CEP162: variants seen among roughly 807,000 people sequenced by gnomAD.
CEP162 encodes centrosomal protein of 162 kDa.
CEP162 carries 141 observed loss-of-function variants against 169.2 expected under a neutral mutation model. The observed-to-expected ratio is 0.83, with a 90% CI of 0.73 to 0.96. The LOEUF (loss-of-function observed/expected upper bound fraction) is 0.96, where lower values mean the gene tolerates loss of function less well. CEP162 is among the 40% of genes least tolerant of loss of function. The pLI is 0.00. For missense variants in CEP162, 1,600 were observed against 1,587.2 expected (o/e 1.01, Z -0.14); for synonymous variants, 540 against 526.4 (o/e 1.03, Z -0.35).
At position 84,174,051 on chromosome 6, in the gene CEP162, T is replaced by C. The variant is rs767194846; in HGVS notation, c.2163A>G (p.Gln721=). 4.3e-6 allele frequency: 7 copies of C among 1,610,356 alleles called. No individual in the cohort carries two copies. The highest frequency in any genetic ancestry group is 5.9e-6 in the Non-Finnish European group (7 of 1,178,668). ...ATATGTTGAAGAATTGCCATACCTG[T>C]TGATATCCTTGAAGAAGTGTCTCTT... is the stretch of plus-strand genomic sequence containing the variant. ...QEQETLLQGY[Q]QENERLYNQV... The change falls in exon 16 of 27, where the codon CAA becomes CAG. Residue 721 remains glutamine (Q), a synonymous_variant. Transcript: ENST00000403245.
intron 13 of CEP162, among the ~76,000 whole-genome samples, chr6:84,176,461 A>G (rs1588799411): frequency 6.6e-6 from 1 of 152,296 alleles, no homozygotes; most frequent in East Asian, 1.9e-4. Context: ...AAAACTTCCA[A>G]ATCACTGGAG....
intron 26 of CEP162, among the ~76,000 whole-genome samples, chr6:84,125,968 ATC>A (rs1408791503): frequency 6.6e-6 from 1 of 152,148 alleles, no homozygotes; most frequent in African/African-American, 2.4e-5. Flanking sequence ...CTATTAATTT[ATC>A]TGTTTATAAT....
chr6:84,156,946 C>T (rs968756228), intron 21 of CEP162, among the ~76,000 whole-genome samples: 2 of 151,972 alleles, frequency 1.3e-5, no homozygotes, highest in Admixed American at 1.3e-4. Flanking sequence ...GAATAACAGA[C>T]ACTGGAGACT....
rs546642652 is a variant in CEP162 at position 84,179,518 on chromosome 6, TG to T, written c.1664-4172del. 3.5e-3 allele frequency among the ~76,000 whole-genome samples: 534 copies of T among 152,300 alleles called. 3 individuals carry two copies. The highest frequency in any genetic ancestry group is 0.012 in the African/African-American group (483 of 41,564). On this transcript the variant is annotated intron_variant, in intron 13 of 26. Coordinates refer to ENST00000403245, the MANE Select transcript of CEP162 (RefSeq NM_014895.4). ...TCCTTCACCCACTTTTTGATGGGGT[TG>T]TTTTTTTTCTTGTAAATTTGAGTTC...
chr6:84,144,633 A>G (rs2099518071), intron 25 of CEP162, among the ~76,000 whole-genome samples: 1 of 152,098 alleles, frequency 6.6e-6, no homozygotes, highest in Non-Finnish European at 1.5e-5. Context: ...TTGGCCAGGT[A>G]AGAATTTTTC....
intron 11 of CEP162, among the ~76,000 whole-genome samples, chr6:84,188,251 AC>A (rs1198450199): frequency 1.3e-5 from 2 of 152,174 alleles, no homozygotes; most frequent in African/African-American, 4.8e-5. Context: ...CTAGCAAAGA[AC>A]TTTTTTTTTT....
Position 84,139,704 on chromosome 6 carries a change from G to A in CEP162, c.3870+6983C>T, listed in dbSNP as rs184931857. ...AGAAAGGAAGGTAAAATTTTTCCTG[G>A]TCCTTCTTTTCCATATTCAGATTGG... is the stretch of plus-strand genomic sequence containing the variant. On this transcript the variant is annotated intron_variant, in intron 25 of 26. Transcript: ENST00000403245. Among the ~76,000 whole-genome samples the A allele has an allele frequency of 2.4e-4, 37 of 152,234 alleles. No homozygotes were observed. In the East Asian group the frequency reaches 7.0e-3, roughly 29 times the overall value.
intron 17 of CEP162, among the ~76,000 whole-genome samples, chr6:84,171,242 A>T (rs1232957381): frequency 2.0e-5 from 3 of 152,174 alleles, no homozygotes; most frequent in Non-Finnish European, 4.4e-5. Context: ...ATACTGTATG[A>T]CCATTCTTTT....
At chr6:84,210,201 A>C (rs2099548885) in intron 6 of CEP162, among the ~76,000 whole-genome samples, 1 of 152,220 alleles carries the variant, frequency 6.6e-6, no homozygotes, top group South Asian at 2.1e-4. Flanking sequence ...TTGTAACTTC[A>C]AAAATGTTAT....
intron 13 of CEP162, among the ~76,000 whole-genome samples, chr6:84,180,017 T>C (rs916379578): frequency 2.6e-5 from 4 of 152,114 alleles, no homozygotes; most frequent in African/African-American, 7.2e-5. Flanking sequence ...ATCCTGATAC[T>C]AAAGCCTGGC....
chr6:84,210,140 G>A (rs911887993), intron 6 of CEP162, among the ~76,000 whole-genome samples: 3 of 152,052 alleles, frequency 2.0e-5, no homozygotes, highest in South Asian at 2.1e-4. Context: ...GACCTTTTTC[G>A]CAGGTAGATG....
chr6:84,128,520 G>A (rs1349172839), intron 25 of CEP162, among the ~76,000 whole-genome samples: 1 of 152,032 alleles, frequency 6.6e-6, no homozygotes, highest in Non-Finnish European at 1.5e-5. Context: ...TTCTAACGGT[G>A]GCACTTCTAT....
intron 13 of CEP162, among the ~76,000 whole-genome samples, chr6:84,183,978 A>C (rs1016368642): frequency 5.9e-5 from 9 of 152,036 alleles, no homozygotes; most frequent in Non-Finnish European, 8.8e-5. Context: ...TCTATTTCTC[A>C]GAGAAAACTG....
Position 84,185,326 on chromosome 6 carries a change from C to T in CEP162, c.1524G>A (p.Ala508=), listed in dbSNP as rs369243651. 154 of 1,613,592 alleles carry T rather than the reference C, an allele frequency of 9.5e-5. No homozygotes were observed. Among genetic ancestry groups the T allele is most frequent in the Non-Finnish European group, 1.2e-4 (138 of 1,179,692 alleles). The change falls in exon 13 of 27, where the codon GCG becomes GCA. Residue 508 remains alanine, a synonymous_variant. Transcript: ENST00000403245. The stretch of plus-strand genomic sequence containing the variant: ...TGCCATAGCCTGAGCTCCTAACTGA[C>T]GCATATAATCCACTCTGGGGTTTCC... ...LKRKPQSGLY[A]SVRSSGYGKP...
intron 25 of CEP162, among the ~76,000 whole-genome samples, chr6:84,142,760 A>G (rs1330513376): frequency 6.6e-6 from 1 of 152,180 alleles, no homozygotes; most frequent in Non-Finnish European, 1.5e-5. Flanking sequence ...CTAGGAGTTC[A>G]TCCCCAAATC....
intron 13 of CEP162, among the ~76,000 whole-genome samples, chr6:84,184,196 C>A (rs993902114): frequency 6.6e-6 from 1 of 152,280 alleles, no homozygotes; most frequent in East Asian, 1.9e-4. Context: ...CACTCTCGTA[C>A]ATTGTCAATT....
At chr6:84,194,818 A>C in intron 10 of CEP162, 66 bp downstream of exon 10, 1 of 1,159,512 alleles carries the variant, frequency 8.6e-7, no homozygotes, top group Admixed American at 2.4e-5. Context: ...TATTTTAATT[A>C]TATTACACTA....
intron 25 of CEP162, among the ~76,000 whole-genome samples, chr6:84,127,644 C>G (rs2099509501): frequency 6.6e-6 from 1 of 152,078 alleles, no homozygotes. Context: ...ACAGAATGGT[C>G]AATTATTATT....
intron 25 of CEP162, among the ~76,000 whole-genome samples, chr6:84,130,071 C>A (rs529174112): frequency 1.3e-5 from 2 of 152,148 alleles, no homozygotes; most frequent in East Asian, 3.9e-4. Flanking sequence ...TTAGCATGAA[C>A]GGCTGTTGAA....
Sources: gnomAD v4.1 joint callset for allele counts (sites outside exome capture counted in the v4.1 genomes callset) on GRCh38, gnomAD v4.1.1 for gene constraint, MANE v1.5 for transcripts, NCBI Gene and HGNC (gene_info 2026-07-23, HGNC 2026-07-21) for gene names.